The following MGST1 variants were observed in gnomAD, a reference collection of about 807,000 sequenced individuals.
MGST1 encodes the protein glutathione S-transferase 12.
MGST1 carries 5 observed loss-of-function variants against 8.9 expected under a neutral mutation model. That is an observed-to-expected ratio of 0.56 (90% CI 0.29 to 1.19). The LOEUF is 1.19. Ranked by LOEUF, MGST1 falls within the 50% of genes most tolerant of loss-of-function variation. The pLI is 0.08. For missense variants in MGST1, 182 were observed against 187.4 expected, an observed-to-expected ratio of 0.97 and a Z score of 0.17; for synonymous variants, 54 against 67.8, an observed-to-expected ratio of 0.80 and a Z score of 1.00.
intron 4 of MGST1, among the ~76,000 whole-genome samples, chr12:16,445,989 A>G (rs1195435516): frequency 6.6e-6 from 1 of 151,884 alleles, no homozygotes; most frequent in African/African-American, 2.4e-5. Flanking sequence ...TGTGAAAGTT[A>G]CTCTAATTGG....
chr12:16,475,826 T>C (rs1941319046), intron 4 of MGST1, among the ~76,000 whole-genome samples: 1 of 152,148 alleles, frequency 6.6e-6, no homozygotes, highest in South Asian at 2.1e-4. Context: ...ACTGAGCATC[T>C]ACTATGTGCC....
In MGST1 at chr12:16,583,198, A is replaced by T. The variant is rs547583091; in HGVS notation, n.483-6330A>T. Among the ~76,000 whole-genome samples, 57 of 152,318 alleles carry T rather than the reference A, an allele frequency of 3.7e-4. No individual in the cohort carries two copies. In the South Asian group the frequency reaches 8.1e-3, roughly 22 times the overall value. On this transcript the variant is annotated intron_variant and non_coding_transcript_variant, in intron 4 of 4. Coordinates refer to the MGST1 transcript ENST00000538857. ...AATGCCCATTGGCTTTAGCAATTGG[A>T]TGTCAGTAACAGCAGTATCAGCAGA...
At chr12:16,558,606 CTGAA>C (rs570454377) in intron 4 of MGST1, among the ~76,000 whole-genome samples, 105 of 152,184 alleles carry the variant, frequency 6.9e-4, no homozygotes, top group African/African-American at 2.3e-3. Flanking sequence ...TTACCCTAGA[CTGAA>C]TGAACTTACT....
intron 1 of MGST1, among the ~76,000 whole-genome samples, chr12:16,348,445 T>C (rs748155724): frequency 6.6e-6 from 1 of 152,184 alleles, no homozygotes; most frequent in Non-Finnish European, 1.5e-5. Context: ...AGGTGTCATA[T>C]ATTGCTCTAG....
chr12:16,429,397 G>A (rs914929370), intron 1 of MGST1, among the ~76,000 whole-genome samples: 5 of 151,436 alleles, frequency 3.3e-5, no homozygotes, highest in African/African-American at 7.3e-5. Context: ...TTCCTTTTTC[G>A]TTTATCTTCA....
downstream of MGST1, among the ~76,000 whole-genome samples, chr12:16,592,279 CA>C (rs1943518659): frequency 6.6e-6 from 1 of 152,002 alleles, no homozygotes; most frequent in Non-Finnish European, 1.5e-5. Flanking sequence ...TCCTGCCTCT[CA>C]GCAAGGGTTG....
At chr12:16,526,394 A>T (rs191900654) in intron 4 of MGST1, among the ~76,000 whole-genome samples, 22 of 152,020 alleles carry the variant, frequency 1.4e-4, no homozygotes, top group Admixed American at 3.3e-4. Context: ...TTCCTACTCT[A>T]CCTTCCAGAC....
chr12:16,498,405 C>G (rs997412888), intron 4 of MGST1, among the ~76,000 whole-genome samples: 1 of 152,112 alleles, frequency 6.6e-6, no homozygotes, highest in African/African-American at 2.4e-5. Flanking sequence ...ACTGTGATAC[C>G]AAGAAACAGA....
At chr12:16,391,394 C>T (rs1940552100) in intron 1 of MGST1, among the ~76,000 whole-genome samples, 1 of 151,376 alleles carries the variant, frequency 6.6e-6, no homozygotes, top group Non-Finnish European at 1.5e-5. Flanking sequence ...TCAACTCCCA[C>T]TTTTGAGTGA....
chr12:16,591,354 C>A (rs1386892087), downstream of MGST1, among the ~76,000 whole-genome samples: 5 of 151,894 alleles, frequency 3.3e-5, no homozygotes, highest in Admixed American at 2.6e-4. This position sits in a 1 kb window ranked among gnomAD's most constrained non-coding sequence, Gnocchi z 4.1. Context: ...CTCAAGTCAC[C>A]GTCTCAGTGA....
chr12:16,438,633 A>C (rs1990697), exon 2 of MGST1: 97,304 of 151,718 alleles, frequency 0.64, 31,418 homozygotes, highest in East Asian at 0.81. Context: ...ATTCTAATAG[A>C]TAGAAAATGT....
At chr12:16,400,130 G>C in intron 1 of MGST1, 1 of 1,494,502 alleles carries the variant, frequency 6.7e-7, no homozygotes, top group Non-Finnish European at 9.3e-7. Flanking sequence ...CGTTCCATCT[G>C]CTCAGCATAG....
chr12:16,513,453 C>T lies in MGST1; in HGVS notation n.483-76075C>T, dbSNP rs1049452418. ...ATCGCCGCCGCCTTCCACCCGGGCT[C>T]GCCTCTGATGCCCCTGCCAGAGCCA... is the stretch of plus-strand genomic sequence containing the variant. On this transcript the variant is annotated intron_variant and non_coding_transcript_variant, in intron 4 of 4. Transcript: ENST00000538857. This position sits in a 1 kb window ranked among gnomAD's most constrained non-coding sequence, Gnocchi z 4.2. 4.8e-6 allele frequency: 2 copies of T among 416,212 alleles called. No homozygotes were observed. Among genetic ancestry groups the T allele is most frequent in the Non-Finnish European group, 9.4e-6 (2 of 211,968 alleles). The allele number at this position is 416,212 out of a possible 1,614,324, so 25.8% of individuals were successfully genotyped here. A position where few individuals can be genotyped will look rare whatever the true frequency, so the allele number is the denominator to read the frequency against.
At chr12:16,347,359 C>G (rs887450686), upstream of MGST1, among the ~76,000 whole-genome samples, 54 of 152,208 alleles carry the variant, frequency 3.5e-4, no homozygotes, top group Admixed American at 2.4e-3. This position sits in a 1 kb window ranked among gnomAD's most constrained non-coding sequence, Gnocchi z 4.0. Context: ...ACTTCCAAAA[C>G]TCTGCTGATC....
chr12:16,453,877 C>T (rs1430880675), intron 4 of MGST1, among the ~76,000 whole-genome samples: 2 of 151,844 alleles, frequency 1.3e-5, no homozygotes, highest in East Asian at 3.9e-4. Flanking sequence ...CCACAATGAC[C>T]TCATCTTAAT....
intron 1 of MGST1, among the ~76,000 whole-genome samples, chr12:16,351,245 G>A (rs1057069187): frequency 6.6e-6 from 1 of 152,146 alleles, no homozygotes; most frequent in Non-Finnish European, 1.5e-5. Context: ...GGGACTTAGG[G>A]ATCCTTTCTT....
chr12:16,494,502 T>A (rs189825146), intron 4 of MGST1, among the ~76,000 whole-genome samples: 1 of 152,158 alleles, frequency 6.6e-6, no homozygotes, highest in Non-Finnish European at 1.5e-5. Context: ...AACAGAAATA[T>A]GTTAATCTAT....
intron 4 of MGST1, among the ~76,000 whole-genome samples, chr12:16,508,717 T>C (rs1267146117): frequency 6.6e-6 from 1 of 152,212 alleles, no homozygotes; most frequent in East Asian, 1.9e-4. Context: ...CTCACTCTTT[T>C]TGTGCCTGAT....
At chr12:16,490,954 T>A (rs923344755) in intron 4 of MGST1, among the ~76,000 whole-genome samples, 11 of 152,310 alleles carry the variant, frequency 7.2e-5, no homozygotes, top group Non-Finnish European at 1.3e-4. Flanking sequence ...CAATAGGAGA[T>A]GTGTCCATTT....
Sources: allele counts gnomAD v4.1 joint callset (sites outside exome capture counted in the v4.1 genomes callset), GRCh38; gene constraint gnomAD v4.1.1; non-coding constraint Gnocchi (gnomAD v3.1); transcripts MANE v1.5; gene names NCBI Gene and HGNC (gene_info 2026-07-23, HGNC 2026-07-21).